The following OSBPL10 variants were observed in gnomAD, a reference collection of about 807,000 sequenced individuals.
The protein encoded by OSBPL10 is oxysterol-binding protein-related protein 10.
A neutral mutation model predicts 81.7 loss-of-function variants in OSBPL10; 49 were observed. That is an observed-to-expected ratio of 0.60 (90% CI 0.48 to 0.76). The LOEUF is 0.76. Among genes scored for constraint, OSBPL10 ranks in the 30% least tolerant of loss-of-function variants. The probability of loss-of-function intolerance (pLI) is 0.00; values close to 1 mark genes in which losing one functional copy is unlikely to be tolerated. For synonymous variants in OSBPL10, 419 were observed against 383.6 expected (o/e 1.09, Z -1.08); for missense variants, 923 against 987.8 (o/e 0.93, Z 0.88).
chr3:31,767,866 C>A (rs1392266622), intron 4 of OSBPL10, among the ~76,000 whole-genome samples: 1 of 152,092 alleles, frequency 6.6e-6, no homozygotes. Flanking sequence ...TGGGTTCAGC[C>A]TGGGAGGTCA....
intron 2 of OSBPL10, among the ~76,000 whole-genome samples, chr3:32,014,836 C>T (rs1575085872): frequency 6.6e-6 from 1 of 152,194 alleles, no homozygotes; most frequent in East Asian, 1.9e-4. Context: ...GAGTGAACTC[C>T]CATTCACAAT....
intron 3 of OSBPL10, among the ~76,000 whole-genome samples, chr3:31,858,510 G>C (rs919148850): frequency 6.6e-6 from 1 of 152,014 alleles, no homozygotes; most frequent in Non-Finnish European, 1.5e-5. Flanking sequence ...TCAGTGTCTG[G>C]CTCTGTACTA....
chr3:31,894,027 A>G (rs1009292127), intron 1 of OSBPL10, among the ~76,000 whole-genome samples: 8 of 152,228 alleles, frequency 5.3e-5, no homozygotes, highest in African/African-American at 1.7e-4. Context: ...TTATACCTTA[A>G]TACAAGTGAT....
At chr3:31,687,614 G>C (rs182838895) in intron 7 of OSBPL10, among the ~76,000 whole-genome samples, 1 of 145,632 alleles carries the variant, frequency 6.9e-6, no homozygotes, top group African/African-American at 2.8e-5. Flanking sequence ...CCCAGTGGCC[G>C]AGCCAGCAGG....
At chr3:31,989,548 T>C (rs753943367) in intron 2 of OSBPL10, 10 of 1,614,106 alleles carry the variant, frequency 6.2e-6, no homozygotes, top group African/African-American at 2.7e-5. Context: ...TCAGCTTGGA[T>C]TAAGCTTTCA....
intron 7 of OSBPL10, among the ~76,000 whole-genome samples, chr3:31,689,468 A>C (rs1700885833): frequency 6.6e-6 from 1 of 152,212 alleles, no homozygotes; most frequent in East Asian, 1.9e-4. Flanking sequence ...GGTAGGAAAG[A>C]ACTGTCATGA....
chr3:31,979,431 A>T (rs998052117), intron 1 of OSBPL10, among the ~76,000 whole-genome samples: 1 of 152,226 alleles, frequency 6.6e-6, no homozygotes. Flanking sequence ...TTTCGTGCAG[A>T]TAACTGGCTG....
chr3:31,912,524 T>C (rs557459502), intron 1 of OSBPL10, among the ~76,000 whole-genome samples: 1 of 152,274 alleles, frequency 6.6e-6, no homozygotes, highest in Non-Finnish European at 1.5e-5. Context: ...TTCTAAACTC[T>C]TAGAATGAAA....
At chr3:31,760,001 C>T (rs1266784479) in intron 4 of OSBPL10, among the ~76,000 whole-genome samples, 1 of 152,114 alleles carries the variant, frequency 6.6e-6, no homozygotes, top group Admixed American at 6.5e-5. Flanking sequence ...ACCTCAAGTG[C>T]GCTGCCCACC....
Position 32,057,977 on chromosome 3 carries a change from T to C in OSBPL10, n.186-11374A>G, listed in dbSNP as rs561591583. Among the ~76,000 whole-genome samples the C allele has an allele frequency of 1.8e-4, 28 of 152,346 alleles. No individual in the cohort carries two copies. The South Asian group carries it at 3.7e-3, about 20-fold the overall frequency. ...ATTGATTTTTAACTGCATGGACTTG[T>C]ATGGGTATGACAATAAGAATAATTC... On this transcript the variant is annotated intron_variant and non_coding_transcript_variant, in intron 1 of 3. Coordinates refer to the OSBPL10 transcript ENST00000479173.
chr3:31,787,629 T>A (rs1575544472), intron 4 of OSBPL10, among the ~76,000 whole-genome samples: 1 of 149,608 alleles, frequency 6.7e-6, no homozygotes, highest in East Asian at 2.0e-4. Flanking sequence ...AATAACCTAA[T>A]CAATATGTCC....
At chr3:31,876,213 G>A (rs1169227807) in intron 3 of OSBPL10, among the ~76,000 whole-genome samples, 1 of 152,108 alleles carries the variant, frequency 6.6e-6, no homozygotes, top group African/African-American at 2.4e-5. Context: ...TCCAGATTCG[G>A]TTCCCATAGT....
intron 2 of OSBPL10, among the ~76,000 whole-genome samples, chr3:32,028,929 CACA>C (rs1699441622): frequency 4.3e-5 from 2 of 46,030 alleles, no homozygotes; most frequent in Admixed American, 4.6e-4. Context: ...CTAGTCAGGA[CACA>C]CACACACACA....
chr3:31,831,994 A>C (rs1296366415), intron 3 of OSBPL10, among the ~76,000 whole-genome samples: 2 of 152,250 alleles, frequency 1.3e-5, no homozygotes, highest in Admixed American at 6.5e-5. Context: ...AGCATGGGAC[A>C]GGTTAAATAA....
intron 6 of OSBPL10, among the ~76,000 whole-genome samples, chr3:31,720,908 C>T (rs924797134): frequency 7.2e-6 from 1 of 138,866 alleles, no homozygotes; most frequent in African/African-American, 2.9e-5. Flanking sequence ...AAAAAAAGGC[C>T]CAAAGATGTC....
At chr3:31,848,472 T>C (rs1325138596) in intron 3 of OSBPL10, among the ~76,000 whole-genome samples, 2 of 152,120 alleles carry the variant, frequency 1.3e-5, no homozygotes, top group African/African-American at 4.8e-5. Flanking sequence ...AGTGACTTTT[T>C]TCGTCAGTTC....
At chr3:31,695,058 G>C (rs1470887473) in intron 7 of OSBPL10, among the ~76,000 whole-genome samples, 6 of 152,154 alleles carry the variant, frequency 3.9e-5, no homozygotes, top group Admixed American at 3.9e-4. Context: ...CTCAAAGCAT[G>C]AATCTTGTTT....
intron 4 of OSBPL10, among the ~76,000 whole-genome samples, chr3:31,778,209 A>T (rs989648997): frequency 3.3e-5 from 5 of 152,326 alleles, no homozygotes; most frequent in South Asian, 2.1e-4. Context: ...GGCCTTGCCA[A>T]CTGTGTGGGA....
At chr3:31,965,187 G>C (rs138658647) in intron 1 of OSBPL10, among the ~76,000 whole-genome samples, 2 of 151,270 alleles carry the variant, frequency 1.3e-5, no homozygotes, top group Non-Finnish European at 2.9e-5. Flanking sequence ...GGCTAACATG[G>C]TGAAATCCCG....
Sources: allele counts gnomAD v4.1 joint callset (sites outside exome capture counted in the v4.1 genomes callset), GRCh38; gene constraint gnomAD v4.1.1; transcripts MANE v1.5; gene names NCBI Gene and HGNC (gene_info 2026-07-23, HGNC 2026-07-21).